HADH: variants seen among roughly 807,000 people sequenced by gnomAD.
HADH encodes the protein hydroxyacyl-coenzyme A dehydrogenase, mitochondrial.
HADH carries 24 observed loss-of-function variants against 32.2 expected under a neutral mutation model. The observed-to-expected ratio is 0.75, with a 90% CI of 0.54 to 1.05. The LOEUF (loss-of-function observed/expected upper bound fraction) is 1.05. Ranked by LOEUF, HADH falls within the 50% of genes least tolerant of loss-of-function variation. HADH has a pLI of 0.00. For synonymous variants in HADH, 139 were observed against 152.5 expected (o/e 0.91, Z 0.65); for missense variants, 350 against 397.1 (o/e 0.88, Z 1.01).
intron 1 of HADH, among the ~76,000 whole-genome samples, chr4:107,994,642 C>T (rs1183028327): frequency 6.6e-6 from 1 of 152,142 alleles, no homozygotes; most frequent in Non-Finnish European, 1.5e-5. Flanking sequence ...GTAAGCTCTC[C>T]TTTTGACTGT....
chr4:108,023,327 T>C, intron 4 of HADH, 147 bp from the exon 5 acceptor site: 1 of 643,034 alleles, frequency 1.6e-6, no homozygotes, highest in Non-Finnish European at 2.8e-6. Context: ...AAATACATTG[T>C]TTCTGGCTTG....
chr4:108,002,538 G>A (rs1735149628), intron 1 of HADH, among the ~76,000 whole-genome samples: 1 of 152,120 alleles, frequency 6.6e-6, no homozygotes, highest in Admixed American at 6.5e-5. Context: ...AATAATAATA[G>A]AAATAAAGTG....
intron 1 of HADH, among the ~76,000 whole-genome samples, chr4:107,990,286 GT>G (rs1404953978): frequency 6.6e-6 from 1 of 152,192 alleles, no homozygotes; most frequent in African/African-American, 2.4e-5. Flanking sequence ...CAGCTTCCTC[GT>G]TTGGAAAATT....
rs756063091 is a variant in HADH, at chr4:108,005,793, A to C, written c.133-3966A>C. ...ATGGGAGCTGTTATTAGGGCTGGCAAACCTCAATGGGCTCTGGTTTCAGTT... is the reference window on the plus strand; with the variant it reads ...ATGGGAGCTGTTATTAGGGCTGGCACACCTCAATGGGCTCTGGTTTCAGTT... On this transcript the variant is annotated intron_variant, in intron 1 of 7. Transcript: ENST00000309522. Among the ~76,000 whole-genome samples, 22 of 152,170 alleles carry C rather than the reference A, an allele frequency of 1.4e-4. 1 individual carries two copies. Among genetic ancestry groups the C allele is most frequent in the Non-Finnish European group, 3.1e-4 (21 of 68,034 alleles).
chr4:108,034,320 G>T lies in HADH; in HGVS notation c.908G>T (p.Gly303Val), dbSNP rs575378007. 8.7e-6 allele frequency: 14 copies of T among 1,612,110 alleles called. No homozygotes were observed. The Admixed American group carries it at 2.0e-4, about 23-fold the overall frequency. Residue 303 changes from glycine (G) to valine (V), a missense_variant, in exon 8 of 8, where the codon GGC becomes GTC. By Grantham distance (109) the Gly-to-Val change is moderately radical. Coordinates refer to ENST00000309522, the MANE Select transcript of HADH (RefSeq NM_005327.7). The stretch of plus-strand genomic sequence containing the variant: ...AAGCTGGTAGCAGAGAACAAGTTCG[G>T]CAAGAAGACTGGAGAAGGATTTTAC... ...LNKLVAENKF[G>V]KKTGEGFYKY... is the part of the protein sequence containing the mutation.
intron 2 of HADH, among the ~76,000 whole-genome samples, chr4:108,013,535 A>C (rs1423798803): frequency 2.6e-5 from 4 of 152,122 alleles, no homozygotes; most frequent in Non-Finnish European, 5.9e-5. Context: ...TGCCAGGGAC[A>C]CCACTGAGGA....
intron 1 of HADH, among the ~76,000 whole-genome samples, chr4:107,994,051 T>C (rs531178977): frequency 1.2e-4 from 19 of 152,174 alleles, no homozygotes; most frequent in Non-Finnish European, 2.8e-4. Context: ...ATAGCTTTCA[T>C]TAGATTACTT....
chr4:108,024,882 A>G (rs1389441773), intron 5 of HADH: 1 of 152,116 alleles, frequency 6.6e-6, no homozygotes, highest in East Asian at 1.9e-4. Flanking sequence ...AGAGATGGGA[A>G]CTCTTTGTTC....
At chr4:107,992,794 G>T (rs1286834680) in intron 1 of HADH, among the ~76,000 whole-genome samples, 1 of 152,058 alleles carries the variant, frequency 6.6e-6, no homozygotes. Context: ...TGTAATAAGA[G>T]TTCACAGAAA....
At chr4:108,011,442 T>C (rs1344944778) in intron 2 of HADH, among the ~76,000 whole-genome samples, 2 of 152,150 alleles carry the variant, frequency 1.3e-5, no homozygotes, top group East Asian at 3.9e-4. Context: ...GAACTGTCCT[T>C]TATAAATTAC....
intron 3 of HADH, among the ~76,000 whole-genome samples, chr4:108,016,207 A>G (rs1272124695): frequency 1.3e-5 from 2 of 152,124 alleles, no homozygotes; most frequent in Non-Finnish European, 2.9e-5. Context: ...TTGTTTGACT[A>G]TATTTTCATG....
At chr4:107,995,300 C>A (rs1001729130) in intron 1 of HADH, among the ~76,000 whole-genome samples, 1 of 152,158 alleles carries the variant, frequency 6.6e-6, no homozygotes, top group African/African-American at 2.4e-5. Flanking sequence ...TCTTTACTTA[C>A]CTGGGAATAA....
At chr4:108,028,516 A>G (rs939562855) in intron 6 of HADH, 2 of 217,948 alleles carry the variant, frequency 9.2e-6, no homozygotes, top group African/African-American at 4.5e-5. Context: ...TGAGAGTGTC[A>G]TTTTTTAAAC....
At position 107,996,500 on chromosome 4, in the gene HADH, A is replaced by AAAAATGGGCGCACAC. The variant is rs534863349; in HGVS notation, c.132+6437_132+6451dup. ...AAACTATGTAACACAATTCTAGTCT[A>AAAAATGGGCGCACAC]AAAATGGGCGCACACTTTCTTTGCC... On this transcript the variant is annotated intron_variant, in intron 1 of 7. Transcript: ENST00000309522. Among the ~76,000 whole-genome samples, 347 of 152,354 alleles carry AAAAATGGGCGCACAC rather than the reference A, an allele frequency of 2.3e-3. 1 individual carries two copies. Among genetic ancestry groups the AAAAATGGGCGCACAC allele is most frequent in the African/African-American group, 7.8e-3 (324 of 41,578 alleles).
At position 108,027,778 on chromosome 4, in the gene HADH, G is replaced by A. The variant is rs369931989; in HGVS notation, c.709+18G>A. 1.4e-5 allele frequency: 21 copies of A among 1,487,000 alleles called. No homozygotes were observed. The African/African-American group carries it at 2.8e-4, about 20-fold the overall frequency. 92.1% of individuals were successfully genotyped at this position (1,487,000 alleles called of 1,614,324 possible). On this transcript the variant is annotated intron_variant, in intron 6 of 7. Coordinates refer to ENST00000309522, the MANE Select transcript of HADH (RefSeq NM_005327.7). Reference sequence around the variant, plus strand: ...TGAACGAGGTATCCTTCTGACCCAGGCCAGGAGCAGCAGACCTCAGCTCCT... The same window carrying A: ...TGAACGAGGTATCCTTCTGACCCAGACCAGGAGCAGCAGACCTCAGCTCCT...
intron 2 of HADH, 90 bp downstream of exon 2, chr4:108,009,977 C>CTTTCTTTTT: frequency 1.8e-6 from 1 of 550,028 alleles, no homozygotes; most frequent in Non-Finnish European, 3.1e-6. Context: ...TTCTTTCTTT[C>CTTTCTTTTT]TTTTTTTTTT....
chr4:108,009,550 A>T (rs1207994811), intron 1 of HADH, among the ~76,000 whole-genome samples: 1 of 152,164 alleles, frequency 6.6e-6, no homozygotes, highest in Non-Finnish European at 1.5e-5. Flanking sequence ...AATTTGTTGT[A>T]TTCAATATAA....
chr4:108,018,606 C>T (rs1224974531), intron 3 of HADH, among the ~76,000 whole-genome samples: 3 of 152,046 alleles, frequency 2.0e-5, no homozygotes, highest in Non-Finnish European at 2.9e-5. Flanking sequence ...CCTTCTCTTC[C>T]TCCTCTCCTC....
intron 4 of HADH, 108 bp downstream of exon 4, chr4:108,019,774 C>T (rs570860691): frequency 2.4e-4 from 305 of 1,281,886 alleles, no homozygotes; most frequent in Middle Eastern, 4.8e-4. Flanking sequence ...TGGGTTTTAA[C>T]CTGAGGGTAG....
Sources: gnomAD v4.1 joint callset for allele counts (sites outside exome capture counted in the v4.1 genomes callset) on GRCh38, gnomAD v4.1.1 for gene constraint, MANE v1.5 for transcripts, NCBI Gene and HGNC (gene_info 2026-07-23, HGNC 2026-07-21) for gene names.